The following CYFIP2 variants were observed in gnomAD, a reference collection of about 807,000 sequenced individuals.
The protein encoded by CYFIP2 is cytoplasmic FMR1-interacting protein 2.
A neutral mutation model predicts 158.7 loss-of-function variants in CYFIP2; 29 were observed. The observed-to-expected ratio is 0.18, with a 90% CI of 0.14 to 0.25. The LOEUF is 0.25. Ranked by LOEUF, CYFIP2 falls within the 10% of genes least tolerant of loss-of-function variation. The probability of loss-of-function intolerance (pLI) is 1.00; values close to 1 mark genes in which losing one functional copy is unlikely to be tolerated. For synonymous variants in CYFIP2, 585 were observed against 617.6 expected (o/e 0.95, Z 0.78); for missense variants, 852 against 1,639.5 (o/e 0.52, Z 8.29).
rs1026887568 is a variant in CYFIP2, at chr5:157,389,467, G to C, written c.3446+40G>C. Reference sequence around the variant, plus strand: ...GAGAAGGCAGGGTTACCCCCAACCTGCCTGTGCTCCTGCAAGTCATGGGGC... The same window carrying C: ...GAGAAGGCAGGGTTACCCCCAACCTCCCTGTGCTCCTGCAAGTCATGGGGC... On this transcript the variant is annotated intron_variant, in intron 29 of 30. Coordinates refer to ENST00000620254, the MANE Select transcript of CYFIP2 (RefSeq NM_001037333.3). 4.7e-6 allele frequency: 7 copies of C among 1,494,010 alleles called. No homozygotes were observed. In the African/African-American group the frequency reaches 8.2e-5, roughly 18 times the overall value. 92.5% of individuals were successfully genotyped at this position (1,494,010 alleles called of 1,614,324 possible).
At chr5:157,301,480 T>C (rs1758743289) in intron 6 of CYFIP2, among the ~76,000 whole-genome samples, 1 of 152,158 alleles carries the variant, frequency 6.6e-6, no homozygotes. Context: ...TGCTTCTCCT[T>C]CCAAATACTT....
chr5:157,300,211 T>C (rs1758623596), intron 5 of CYFIP2, among the ~76,000 whole-genome samples: 1 of 152,086 alleles, frequency 6.6e-6, no homozygotes, highest in African/African-American at 2.4e-5. Context: ...TTGAGTCACA[T>C]AGAGGCAGGT....
chr5:157,321,723 C>T lies in CYFIP2; in HGVS notation c.1671+921C>T, dbSNP rs538651999. On this transcript the variant is annotated intron_variant, in intron 15 of 30. Transcript: ENST00000620254. Reference sequence around the variant, plus strand: ...CCCCCGACCCTTCTCCCTGTGTGTGCGTCTGTGTCTGTGCTGGGGGCTGGG... The same window carrying T: ...CCCCCGACCCTTCTCCCTGTGTGTGTGTCTGTGTCTGTGCTGGGGGCTGGG... 1.2e-4 allele frequency among the ~76,000 whole-genome samples: 18 copies of T among 152,142 alleles called. No homozygotes were observed. In the East Asian group the frequency reaches 1.9e-3, roughly 16 times the overall value.
intron 5 of CYFIP2, among the ~76,000 whole-genome samples, chr5:157,300,401 G>A (rs1236288729): frequency 1.3e-5 from 2 of 151,976 alleles, no homozygotes; most frequent in Non-Finnish European, 2.9e-5. Flanking sequence ...TGGGCATGGT[G>A]GCACACACCT....
intron 26 of CYFIP2, among the ~76,000 whole-genome samples, chr5:157,379,838 G>A (rs943364451): frequency 1.3e-5 from 2 of 152,130 alleles, no homozygotes; most frequent in Non-Finnish European, 2.9e-5. Context: ...TATCCAGACA[G>A]GGGAATTGCA....
rs558404209 is a variant in CYFIP2 at position 157,370,919 on chromosome 5, T to TTGAC, written c.3039+9322_3039+9325dup. Among the ~76,000 whole-genome samples, 620 of 152,314 alleles carry TTGAC rather than the reference T, an allele frequency of 4.1e-3. 3 individuals are homozygous for TTGAC. The highest frequency in any genetic ancestry group is 6.9e-3 in the Non-Finnish European group (466 of 68,022). ...CAGCACTATTCAAGCAAGGCATAGA[T>TTGAC]TGACAGGAAAAGATCACACACAGAA... On this transcript the variant is annotated intron_variant, in intron 26 of 30. Coordinates refer to ENST00000620254, the MANE Select transcript of CYFIP2 (RefSeq NM_001037333.3).
chr5:157,346,547 T>C lies in CYFIP2; in HGVS notation c.2673+5390T>C, dbSNP rs62390100. Among the ~76,000 whole-genome samples, 632 of 152,256 alleles carry C rather than the reference T, an allele frequency of 4.2e-3. 2 individuals carry two copies. The highest frequency in any genetic ancestry group is 0.027 in the Middle Eastern group (8 of 294). Reference sequence around the variant, plus strand: ...ATCAGCCAAGGAACACCGGGAGCCATCAGCAGCTGGGAAGGCAAGGAAACA... The same window carrying C: ...ATCAGCCAAGGAACACCGGGAGCCACCAGCAGCTGGGAAGGCAAGGAAACA... On this transcript the variant is annotated intron_variant, in intron 23 of 30. Transcript: ENST00000620254.
intron 26 of CYFIP2, among the ~76,000 whole-genome samples, chr5:157,375,011 A>G (rs12522498): frequency 0.37 from 56,447 of 152,048 alleles, 10,818 homozygotes; most frequent in Middle Eastern, 0.49. Flanking sequence ...TGCTGGGGAC[A>G]TTTACTACCC....
At position 157,326,277 on chromosome 5, in the gene CYFIP2, G is replaced by A. The variant is rs1303503004; in HGVS notation, c.2079+10G>A. ...TGAGATAGAAGCTGAGGCAAGTGAT[G>A]TGCTTCTCTTTTTGCTCCTTTAATC... On this transcript the variant is annotated intron_variant, in intron 18 of 30. Coordinates refer to ENST00000620254, the MANE Select transcript of CYFIP2 (RefSeq NM_001037333.3). 5 of 1,603,942 alleles carry A rather than the reference G, an allele frequency of 3.1e-6. No individual in the cohort carries two copies. In the South Asian group the frequency reaches 3.3e-5, roughly 11 times the overall value.
chr5:157,301,803 G>A (rs1400078548), intron 6 of CYFIP2, among the ~76,000 whole-genome samples: 1 of 152,104 alleles, frequency 6.6e-6, no homozygotes, highest in Admixed American at 6.5e-5. Flanking sequence ...GAAAGTGGGG[G>A]AGGAGTCATT....
chr5:157,330,241 TGTGTG>T (rs1200572691), intron 19 of CYFIP2, among the ~76,000 whole-genome samples: 1 of 3,724 alleles, frequency 2.7e-4, no homozygotes, highest in Non-Finnish European at 1.4e-3. Context: ...AGATTTAAAA[TGTGTG>T]TGTGTGTGTG....
Position 157,285,369 on chromosome 5 carries a change from C to T in CYFIP2, c.8C>T (p.Thr3Met), listed in dbSNP as rs1241752177. The change falls in exon 2 of 31, where the codon ACG (threonine) becomes ATG (methionine). Residue 3 changes from threonine to methionine, a missense_variant. Transcript: ENST00000620254. MT[T>M]HVTLEDALSN... ...AATACAGAAACTGCAGCCATGACCA[C>T]GCACGTCACCCTGGAAGATGCCCTG... 14 of 1,566,304 alleles carry T rather than the reference C, an allele frequency of 8.9e-6. No homozygotes were observed. The highest frequency in any genetic ancestry group is 2.4e-5 in the East Asian group (1 of 42,238).
intron 13 of CYFIP2, among the ~76,000 whole-genome samples, chr5:157,317,193 A>G (rs1760218906): frequency 6.6e-6 from 1 of 152,228 alleles, no homozygotes; most frequent in South Asian, 2.1e-4. Context: ...ACAACCACCA[A>G]GAACATGTCA....
Position 157,307,978 on chromosome 5 carries a change from T to A in CYFIP2, c.900+113T>A. 5 of 641,482 alleles carry A rather than the reference T, an allele frequency of 7.8e-6. No individual in the cohort carries two copies. The South Asian group carries it at 9.2e-5, about 12-fold the overall frequency. 39.7% of individuals were successfully genotyped at this position (641,482 alleles called of 1,614,324 possible). ...AACTGTCAGGTTTTTTTAATTGAGC[T>A]GTAGCTCCAAAGATCCCAAGAGTAG... On this transcript the variant is annotated intron_variant, in intron 9 of 30. Coordinates refer to ENST00000620254, the MANE Select transcript of CYFIP2 (RefSeq NM_001037333.3).
At chr5:157,379,817 CAG>C (rs1581187425) in intron 26 of CYFIP2, among the ~76,000 whole-genome samples, 1 of 152,194 alleles carries the variant, frequency 6.6e-6, no homozygotes, top group East Asian at 1.9e-4. Context: ...ACTGCCCAGA[CAG>C]AGCCTATTTA....
intron 19 of CYFIP2, among the ~76,000 whole-genome samples, chr5:157,329,166 C>G (rs910316237): frequency 2.6e-5 from 4 of 152,230 alleles, no homozygotes; most frequent in African/African-American, 9.6e-5. Flanking sequence ...TAACGCGACT[C>G]TTAAATGCTG....
chr5:157,319,625 C>A, intron 13 of CYFIP2, 137 bp from the exon 14 acceptor site: 1 of 999,478 alleles, frequency 1.0e-6, no homozygotes, highest in Non-Finnish European at 1.4e-6. Context: ...CCTAGCCATG[C>A]GCTGGCACTT....
rs1767554603 is a variant in CYFIP2, at chr5:157,394,000, C to CA, written c.*1002dup. On this transcript the variant is annotated 3_prime_UTR_variant, in exon 31 of 31. Transcript: ENST00000620254. Reference sequence around the variant, plus strand: ...GGTGAGGAGGAGGAATAGTAATTGTCAATGAGCTTTTAATACCAAGATACA... The same window carrying CA: ...GGTGAGGAGGAGGAATAGTAATTGTCAAATGAGCTTTTAATACCAAGATACA... 6.6e-6 allele frequency: 1 copy of CA among 152,162 alleles called. No homozygotes were observed. Among genetic ancestry groups the CA allele is most frequent in the African/African-American group, 2.4e-5 (1 of 41,430 alleles). The allele number at this position is 152,162 out of a possible 1,614,324, so 9.4% of individuals were successfully genotyped here.
intron 6 of CYFIP2, among the ~76,000 whole-genome samples, chr5:157,301,685 T>C (rs1055704390): frequency 1.1e-4 from 17 of 152,174 alleles, no homozygotes; most frequent in African/African-American, 3.9e-4. Flanking sequence ...TCCTAGCACT[T>C]TGGGAGGCCA....
Sources: gnomAD v4.1 joint callset for allele counts (sites outside exome capture counted in the v4.1 genomes callset) on GRCh38, gnomAD v4.1.1 for gene constraint, MANE v1.5 for transcripts, NCBI Gene and HGNC (gene_info 2026-07-23, HGNC 2026-07-21) for gene names.